Variants in RBPMS observed in about 807,000 individuals in gnomAD.
The protein encoded by RBPMS is RNA binding protein, mRNA processing factor, also known as RNA-binding protein with multiple splicing.
A neutral mutation model predicts 26.8 loss-of-function variants in RBPMS; 7 were observed. That is an observed-to-expected ratio of 0.26 (90% confidence interval 0.15 to 0.49). RBPMS has a LOEUF of 0.49. Ranked by LOEUF, RBPMS falls within the 20% of genes least tolerant of loss-of-function variation. The pLI is 0.98. For missense variants in RBPMS, 186 were observed against 250.0 expected, an observed-to-expected ratio of 0.74 and a Z score of 1.73; for synonymous variants, 96 against 93.3, an observed-to-expected ratio of 1.03 and a Z score of -0.17.
intron 1 of RBPMS, among the ~76,000 whole-genome samples, chr8:30,415,707 A>T (rs1299325819): frequency 6.6e-6 from 1 of 152,164 alleles, no homozygotes; most frequent in Non-Finnish European, 1.5e-5. Flanking sequence ...GGCCTTGGGA[A>T]AACCTGGAAT....
intron 8 of RBPMS, among the ~76,000 whole-genome samples, chr8:30,568,236 C>T (rs190448627): frequency 2.0e-5 from 3 of 152,286 alleles, no homozygotes; most frequent in Non-Finnish European, 4.4e-5. Context: ...GGGGGGAGAA[C>T]ATTCCTTATC....
At chr8:30,393,885 G>T (rs1445094472) in intron 1 of RBPMS, among the ~76,000 whole-genome samples, 1 of 142,926 alleles carries the variant, frequency 7.0e-6, no homozygotes, top group Non-Finnish European at 1.5e-5. Flanking sequence ...CTAAGTGTCA[G>T]CTCAAAGTAG....
chr8:30,444,746 C>T (rs1224359275), intron 1 of RBPMS: 3 of 152,210 alleles, frequency 2.0e-5, no homozygotes, highest in Non-Finnish European at 4.4e-5. Flanking sequence ...GTTCCATGTT[C>T]CTCCTCACTC....
chr8:30,477,900 G>GCT (rs1269075420), intron 3 of RBPMS, 63 bp downstream of exon 3: 69 of 1,116,752 alleles, frequency 6.2e-5, no homozygotes, highest in Non-Finnish European at 8.4e-5. Flanking sequence ...TATTGCTGGG[G>GCT]CTTGACATTC....
chr8:30,549,012 G>T (rs763374603), intron 6 of RBPMS, among the ~76,000 whole-genome samples: 1 of 152,180 alleles, frequency 6.6e-6, no homozygotes, highest in African/African-American at 2.4e-5. Flanking sequence ...CTTAGGAGTC[G>T]CCCAGCAGCG....
chr8:30,450,637 C>T (rs1028075992), intron 1 of RBPMS, among the ~76,000 whole-genome samples: 2 of 152,052 alleles, frequency 1.3e-5, no homozygotes, highest in African/African-American at 4.8e-5. Context: ...GAGAAGAAGT[C>T]ATCTCATAAA....
chr8:30,543,205 C>G (rs1281960046), intron 5 of RBPMS, among the ~76,000 whole-genome samples: 1 of 152,228 alleles, frequency 6.6e-6, no homozygotes, highest in Admixed American at 6.5e-5. Flanking sequence ...TCCCTACCAT[C>G]CTGAGAGAAG....
chr8:30,473,406 A>T (rs542152381), intron 1 of RBPMS, among the ~76,000 whole-genome samples: 1 of 152,120 alleles, frequency 6.6e-6, no homozygotes, highest in Non-Finnish European at 1.5e-5. Flanking sequence ...TGTACCCTAC[A>T]CTTTGCACTA....
At chr8:30,477,245 G>A (rs894780187) in intron 2 of RBPMS, among the ~76,000 whole-genome samples, 2 of 152,084 alleles carry the variant, frequency 1.3e-5, no homozygotes, top group Non-Finnish European at 2.9e-5. Context: ...AGTAGAGATG[G>A]GGTTTCACCA....
At chr8:30,523,935 A>G (rs1325383592) in intron 5 of RBPMS, among the ~76,000 whole-genome samples, 1 of 152,118 alleles carries the variant, frequency 6.6e-6, no homozygotes, top group African/African-American at 2.4e-5. Context: ...GATTTTTAGC[A>G]TAATGTTTTA....
intron 1 of RBPMS, among the ~76,000 whole-genome samples, chr8:30,458,136 A>G (rs888691837): frequency 6.6e-6 from 1 of 152,198 alleles, no homozygotes; most frequent in African/African-American, 2.4e-5. Flanking sequence ...ATGCTATGTA[A>G]ATAGGTATAC....
intron 3 of RBPMS, 129 bp downstream of exon 3, chr8:30,477,966 G>C: frequency 1.5e-6 from 1 of 645,774 alleles, no homozygotes; most frequent in Non-Finnish European, 2.7e-6. Flanking sequence ...TTAAAAGTGA[G>C]ATGTATTAGG....
chr8:30,565,316 T>C (rs1175160447), intron 7 of RBPMS: 1 of 152,328 alleles, frequency 6.6e-6, no homozygotes, highest in Non-Finnish European at 1.5e-5. Flanking sequence ...TGAAGAGTCC[T>C]GGTGGGACCA....
chr8:30,519,736 GC>G (rs1822833396), intron 5 of RBPMS, among the ~76,000 whole-genome samples: 1 of 151,966 alleles, frequency 6.6e-6, no homozygotes, highest in Non-Finnish European at 1.5e-5. Flanking sequence ...CTCGTGATCT[GC>G]CCACCTCGGC....
chr8:30,522,579 A>G (rs917386778), intron 5 of RBPMS, among the ~76,000 whole-genome samples: 4 of 152,206 alleles, frequency 2.6e-5, no homozygotes, highest in Non-Finnish European at 5.9e-5. Flanking sequence ...AATTTAAACA[A>G]TATATGTCAA....
chr8:30,449,147 T>G (rs540425873), intron 1 of RBPMS, among the ~76,000 whole-genome samples: 1 of 152,326 alleles, frequency 6.6e-6, no homozygotes, highest in South Asian at 2.1e-4. Flanking sequence ...ACGTATTCCT[T>G]CAATGCTTTG....
chr8:30,420,992 C>A (rs1392934772), intron 1 of RBPMS, among the ~76,000 whole-genome samples: 2 of 152,094 alleles, frequency 1.3e-5, no homozygotes, highest in Non-Finnish European at 2.9e-5. Flanking sequence ...AAAATACTTA[C>A]CTATTTGAAG....
At chr8:30,440,876 C>T (rs2150705836) in intron 1 of RBPMS, among the ~76,000 whole-genome samples, 1 of 151,788 alleles carries the variant, frequency 6.6e-6, no homozygotes, top group Admixed American at 6.6e-5. Context: ...TCACTGCAGC[C>T]TCAAACTCTT....
At chr8:30,391,805 T>A (rs1314995590) in intron 1 of RBPMS, among the ~76,000 whole-genome samples, 1 of 152,214 alleles carries the variant, frequency 6.6e-6, no homozygotes, top group Admixed American at 6.5e-5. Context: ...AGAAGAAAGC[T>A]GCTTGGCTTG....
Sources: gnomAD v4.1 joint callset for allele counts (sites outside exome capture counted in the v4.1 genomes callset) on GRCh38, gnomAD v4.1.1 for gene constraint, MANE v1.5 for transcripts, NCBI Gene and HGNC (gene_info 2026-07-23, HGNC 2026-07-21) for gene names.